KIAA1217: variants seen among roughly 807,000 people sequenced by gnomAD.
KIAA1217 encodes the protein KIAA1217.
Under a neutral mutation model 163.9 loss-of-function variants are expected in KIAA1217, and 88 were observed. The observed-to-expected ratio is 0.54, with a 90% confidence interval of 0.45 to 0.64. The LOEUF (loss-of-function observed/expected upper bound fraction) is 0.64, where lower values mean the gene tolerates loss of function less well. Ranked by LOEUF, KIAA1217 falls within the 30% of genes least tolerant of loss-of-function variation. KIAA1217 has a pLI of 0.00. For missense variants in KIAA1217, 2,372 were observed against 2,475.0 expected, an observed-to-expected ratio of 0.96 and a Z score of 0.88; for synonymous variants, 903 against 923.1, an observed-to-expected ratio of 0.98 and a Z score of 0.39.
intron 2 of KIAA1217, among the ~76,000 whole-genome samples, chr10:24,131,750 G>T (rs1270356460): frequency 1.3e-5 from 2 of 152,140 alleles, no homozygotes; most frequent in East Asian, 1.9e-4. Context: ...TTTAGTGGGG[G>T]CATGGAAACT....
chr10:23,782,193 GA>G (rs1278106906), intron 1 of KIAA1217, among the ~76,000 whole-genome samples: 1 of 152,026 alleles, frequency 6.6e-6, no homozygotes, highest in Non-Finnish European at 1.5e-5. Flanking sequence ...AACAATTCAT[GA>G]ATATGAAATA....
intron 2 of KIAA1217, among the ~76,000 whole-genome samples, chr10:24,354,707 C>G (rs565611297): frequency 1.6e-5 from 2 of 128,698 alleles, no homozygotes. Flanking sequence ...CCAAACTCCT[C>G]TCAGCATTCA....
intron 2 of KIAA1217, among the ~76,000 whole-genome samples, chr10:24,161,846 C>T (rs949975451): frequency 6.6e-6 from 1 of 152,188 alleles, no homozygotes; most frequent in African/African-American, 2.4e-5. Context: ...GAATGTAGAA[C>T]CAAGCTCAGC....
chr10:24,402,512 A>AAAAC (rs1253930303), intron 3 of KIAA1217, among the ~76,000 whole-genome samples: 10 of 118,690 alleles, frequency 8.4e-5, no homozygotes, highest in African/African-American at 3.6e-4. Context: ...CCCTCTCAAA[A>AAAAC]AAACAAAAAA....
At chr10:24,033,213 G>A (rs938176322) in intron 2 of KIAA1217, among the ~76,000 whole-genome samples, 1 of 152,170 alleles carries the variant, frequency 6.6e-6, no homozygotes, top group Non-Finnish European at 1.5e-5. Context: ...TTTTTAAAGG[G>A]TTCTTAGAAA....
chr10:24,347,013 G>A (rs141956499), intron 2 of KIAA1217, among the ~76,000 whole-genome samples: 5 of 152,100 alleles, frequency 3.3e-5, no homozygotes, highest in African/African-American at 7.2e-5. Context: ...TTGGCTTAGT[G>A]AGTGTTAAGG....
chr10:24,090,903 A>G lies in KIAA1217; in HGVS notation c.-171+83529A>G, dbSNP rs939444620. Among the ~76,000 whole-genome samples, 9 of 151,884 alleles carry G rather than the reference A, an allele frequency of 5.9e-5. No individual in the cohort carries two copies. The East Asian group carries it at 1.5e-3, about 26-fold the overall frequency. ...AATGTCATTGAAACACTAGTTACCT[A>G]TGTAGATTATGTCTGGATTCACAGC... On this transcript the variant is annotated intron_variant, in intron 2 of 18. Transcript: ENST00000376462.
At chr10:24,346,579 T>TTTC (rs2047812554) in intron 2 of KIAA1217, among the ~76,000 whole-genome samples, 1 of 142,026 alleles carries the variant, frequency 7.0e-6, no homozygotes, top group African/African-American at 2.6e-5. Flanking sequence ...TTTTTTTTTT[T>TTTC]TTTTTTTTTG....
chr10:23,909,924 C>T (rs564128131), intron 1 of KIAA1217, among the ~76,000 whole-genome samples: 85 of 152,278 alleles, frequency 5.6e-4, no homozygotes, highest in Admixed American at 3.5e-3. Context: ...AGCGTAAAAG[C>T]ATTCCTATTT....
intron 1 of KIAA1217, among the ~76,000 whole-genome samples, chr10:23,860,650 T>C (rs1839907727): frequency 6.6e-6 from 1 of 152,172 alleles, no homozygotes. Context: ...ACTACATTAA[T>C]AATAAAGGAA....
intron 3 of KIAA1217, among the ~76,000 whole-genome samples, chr10:24,384,241 G>A (rs1208739609): frequency 6.6e-6 from 1 of 152,038 alleles, no homozygotes; most frequent in Non-Finnish European, 1.5e-5. Flanking sequence ...ATGAAGCCCT[G>A]TTGATCTTGC....
At chr10:24,258,113 C>G (rs554906298) in intron 2 of KIAA1217, among the ~76,000 whole-genome samples, 44 of 152,194 alleles carry the variant, frequency 2.9e-4, no homozygotes, top group South Asian at 1.2e-3. Flanking sequence ...CCCAAGAGGT[C>G]AAGGCTGCCG....
chr10:24,027,827 C>T (rs1001252170), intron 2 of KIAA1217, among the ~76,000 whole-genome samples: 1 of 152,026 alleles, frequency 6.6e-6, no homozygotes, highest in Admixed American at 6.6e-5. Flanking sequence ...TAAGACCTAT[C>T]GCCCAATCAG....
At chr10:23,732,878 T>G (rs1838554679) in intron 1 of KIAA1217, among the ~76,000 whole-genome samples, 2 of 152,312 alleles carry the variant, frequency 1.3e-5, no homozygotes, top group Admixed American at 6.5e-5. Flanking sequence ...GCTCTTTTTT[T>G]CTTATATAAT....
chr10:24,495,275 C>T lies in KIAA1217; in HGVS notation c.1834+79C>T. ...CCTGGCTGGTCTCAGAAATGTTTAA[C>T]ATTTCCCTAAGTCACGTATTTGGTA... On this transcript the variant is annotated intron_variant, in intron 8 of 20. Coordinates refer to ENST00000376454, the MANE Select transcript of KIAA1217 (RefSeq NM_019590.5). The T allele has an allele frequency of 3.5e-6, 4 of 1,156,434 alleles. 1 individual carries two copies. The highest frequency in any genetic ancestry group is 2.5e-6 in the Non-Finnish European group (2 of 796,520). The allele number at this position is 1,156,434 out of a possible 1,614,324, so 71.6% of individuals were successfully genotyped here.
At chr10:24,355,002 G>T (rs2048906240) in intron 2 of KIAA1217, among the ~76,000 whole-genome samples, 1 of 152,206 alleles carries the variant, frequency 6.6e-6, no homozygotes, top group Non-Finnish European at 1.5e-5. Context: ...TCCCAGTAAA[G>T]CTTATCAGTT....
intron 2 of KIAA1217, among the ~76,000 whole-genome samples, chr10:24,133,440 A>G (rs546156123): frequency 4.6e-5 from 7 of 151,786 alleles, no homozygotes; most frequent in Non-Finnish European, 8.8e-5. Context: ...AGCAGAGTTG[A>G]GTGCACCTGT....
In KIAA1217 at chr10:23,930,976, G is replaced by T. The variant is rs149127912; in HGVS notation, c.-320-76249G>T. Among the ~76,000 whole-genome samples the T allele has an allele frequency of 6.7e-3, 1,024 of 152,206 alleles. 13 individuals are homozygous for T. The highest frequency in any genetic ancestry group is 0.023 in the African/African-American group (972 of 41,526). Reference sequence around the variant, plus strand: ...GTTCATTGTCTTTTTTGCAATTAAAGAATACATGCATATCTTAAGTCTGGT... The same window carrying T: ...GTTCATTGTCTTTTTTGCAATTAAATAATACATGCATATCTTAAGTCTGGT... On this transcript the variant is annotated intron_variant, in intron 1 of 18. Coordinates refer to the KIAA1217 transcript ENST00000376462.
intron 1 of KIAA1217, among the ~76,000 whole-genome samples, chr10:23,780,447 G>A (rs1835205710): frequency 6.6e-6 from 1 of 152,002 alleles, no homozygotes; most frequent in African/African-American, 2.4e-5. Flanking sequence ...CCTTTTGTTT[G>A]TTTTGTTTTG....
Sources: allele counts gnomAD v4.1 joint callset (sites outside exome capture counted in the v4.1 genomes callset), GRCh38; gene constraint gnomAD v4.1.1; transcripts MANE v1.5; gene names NCBI Gene and HGNC (gene_info 2026-07-23, HGNC 2026-07-21).